The following TRPM1 variants were observed in gnomAD, a reference collection of about 807,000 sequenced individuals.
TRPM1 encodes the protein transient receptor potential cation channel subfamily M member 1.
A neutral mutation model predicts 149.4 loss-of-function variants in TRPM1; 113 were observed. The ratio of observed to expected loss-of-function variants is 0.76; its 90% confidence interval spans 0.65 to 0.88. The LOEUF (loss-of-function observed/expected upper bound fraction) is 0.88, where lower values mean the gene tolerates loss of function less well. Among genes scored for constraint, TRPM1 ranks in the 40% least tolerant of loss-of-function variants. The pLI is 0.00. For synonymous variants in TRPM1, 741 were observed against 759.5 expected (o/e 0.98, Z 0.40); for missense variants, 1,976 against 2,038.7 (o/e 0.97, Z 0.59).
In TRPM1 at chr15:31,153,893, G is replaced by A. The variant is rs539007396; in HGVS notation, c.54+7013C>T. Among the ~76,000 whole-genome samples the A allele has an allele frequency of 1.2e-4, 18 of 152,280 alleles. No individual in the cohort carries two copies. In the East Asian group the frequency reaches 1.5e-3, roughly 13 times the overall value. On this transcript the variant is annotated intron_variant, in intron 1 of 26. Coordinates refer to the TRPM1 transcript ENST00000542188. The stretch of plus-strand genomic sequence containing the variant: ...AGGTCCCTTGGACAAGGCTTCCACC[G>A]TTGAGATTCTTTCTCAGCTGGAGAG...
intron 2 of TRPM1, 25 bp from the exon 3 acceptor site, chr15:31,077,009 T>C (rs781665713): frequency 3.3e-6 from 5 of 1,517,054 alleles, no homozygotes; most frequent in East Asian, 4.5e-5. Flanking sequence ...GAAGTGGATA[T>C]TGGACCAATA....
At chr15:31,151,821 T>C (rs1409348078) in intron 1 of TRPM1, among the ~76,000 whole-genome samples, 1 of 152,252 alleles carries the variant, frequency 6.6e-6, no homozygotes, top group East Asian at 1.9e-4. Context: ...CAAATGACCC[T>C]GGTCCTGGCC....
intron 1 of TRPM1, among the ~76,000 whole-genome samples, chr15:31,157,919 C>T (rs527803944): frequency 2.0e-5 from 3 of 152,176 alleles, no homozygotes; most frequent in Admixed American, 6.5e-5. Flanking sequence ...TCAACAAACA[C>T]GGTGCAGAGG....
intron 1 of TRPM1, among the ~76,000 whole-genome samples, chr15:31,121,966 C>A (rs1171440015): frequency 6.6e-6 from 1 of 152,026 alleles, no homozygotes; most frequent in Admixed American, 6.6e-5. Flanking sequence ...GTATAAAGAA[C>A]AATACATATA....
rs2034857494 is a variant in TRPM1, at chr15:31,081,486, T to C, written c.-83-48A>G. 1.5e-5 allele frequency: 19 copies of C among 1,241,960 alleles called. No homozygotes were observed. In the South Asian group the frequency reaches 2.2e-4, roughly 14 times the overall value. 76.9% of individuals were successfully genotyped at this position (1,241,960 alleles called of 1,614,324 possible). A position where few individuals can be genotyped will look rare whatever the true frequency, so the allele number is the denominator to read the frequency against. ...TAAGAGTCACTTTGCCTGCAGCCTC[T>C]TTCTTGGGAAGCAAGATGAACAAAT... is the stretch of plus-strand genomic sequence containing the variant. On this transcript the variant is annotated intron_variant, in intron 1 of 27. Transcript: ENST00000256552.
At position 31,035,622 on chromosome 15, in the gene TRPM1, A is replaced by G. The variant is rs1393281524; in HGVS notation, c.2624T>C (p.Met875Thr). Reference sequence around the variant, plus strand: ...CTCCTGGAGGGACGGCCAGCCATCCATCCGCACCAGGATGACGTAGTTAAA... The same window carrying G: ...CTCCTGGAGGGACGGCCAGCCATCCGTCCGCACCAGGATGACGTAGTTAAA... ...LLFNYVILVRMDGWPSLQEWI... is the reference protein window; with the variant it reads ...LLFNYVILVRTDGWPSLQEWI... The change falls in exon 21 of 28, where the codon ATG becomes ACG. Residue 875 changes from methionine (M) to threonine (T), a missense_variant. Physicochemically the swap from Met to Thr is moderately conservative, Grantham distance 81 (BLOSUM62 -1). This residue lies in a region of TRPM1 where 1,332 missense variants were observed against 1,347.1 expected (regional missense o/e 0.99). Transcript: ENST00000256552. 6.2e-7 allele frequency: 1 copy of G among 1,614,230 alleles called. No homozygotes were observed. The highest frequency in any genetic ancestry group is 1.7e-5 in the Admixed American group (1 of 60,030).
intron 27 of TRPM1, among the ~76,000 whole-genome samples, chr15:31,013,498 T>G (rs148225240): frequency 6.6e-6 from 1 of 152,306 alleles, no homozygotes; most frequent in Admixed American, 6.5e-5. Context: ...CTAAAATAGT[T>G]GAGTTAAACT....
In TRPM1 at chr15:31,036,656, C is replaced by T. The variant is rs567396714; in HGVS notation, c.2572-982G>A. ...GGGGTGAGACCCAAGGCTGAGAGGC[C>T]TCGATGGCTTCCTGGCCCCATCTCC... On this transcript the variant is annotated intron_variant, in intron 20 of 27. Coordinates refer to ENST00000256552, the MANE Select transcript of TRPM1 (RefSeq NM_001252024.2). Among the ~76,000 whole-genome samples, 20 of 152,360 alleles carry T rather than the reference C, an allele frequency of 1.3e-4. 1 individual carries two copies. In the East Asian group the frequency reaches 3.9e-3, roughly 29 times the overall value.
intron 20 of TRPM1, among the ~76,000 whole-genome samples, chr15:31,036,968 C>T (rs930177350): frequency 1.3e-5 from 2 of 152,356 alleles, no homozygotes; most frequent in African/African-American, 4.8e-5. Context: ...ACCACAGCAC[C>T]GAGGCCTGCC....
chr15:31,156,381 G>T (rs547164635), intron 1 of TRPM1, among the ~76,000 whole-genome samples: 38 of 152,118 alleles, frequency 2.5e-4, no homozygotes, highest in Admixed American at 7.9e-4. Flanking sequence ...TTAGCTGAGA[G>T]TCTAGCACCT....
chr15:31,074,668 A>C (rs1200168437), intron 3 of TRPM1, among the ~76,000 whole-genome samples: 1 of 151,894 alleles, frequency 6.6e-6, no homozygotes, highest in Non-Finnish European at 1.5e-5. Flanking sequence ...CTACTTTTCT[A>C]TTCTCTTTTC....
intron 1 of TRPM1, among the ~76,000 whole-genome samples, chr15:31,109,224 T>C (rs775489294): frequency 4.0e-5 from 6 of 150,126 alleles, no homozygotes; most frequent in African/African-American, 1.2e-4. Flanking sequence ...ATCCCAGCTA[T>C]TATGGAGGCC....
At chr15:31,120,806 A>G (rs2035864482) in intron 1 of TRPM1, among the ~76,000 whole-genome samples, 1 of 152,196 alleles carries the variant, frequency 6.6e-6, no homozygotes, top group African/African-American at 2.4e-5. Flanking sequence ...AAATAACAGG[A>G]GTCAAAGAAA....
At position 31,042,115 on chromosome 15, in the gene TRPM1, TGCCCACACCATCA is replaced by T; in HGVS notation, c.1910_1922del (p.Leu637GlnfsTer3). 1.2e-6 allele frequency: 2 copies of T among 1,614,240 alleles called. No homozygotes were observed. The highest frequency in any genetic ancestry group is 1.7e-6 in the Non-Finnish European group (2 of 1,180,042). Reference sequence around the variant, plus strand: ...CCATTTTCTGGCGTTTCATCAGCACTGCCCACACCATCAGCTCGTGGAAGGGATACTGGAACCG... The same window carrying T: ...CCATTTTCTGGCGTTTCATCAGCACTGCTCGTGGAAGGGATACTGGAACCG... On this transcript the variant is annotated frameshift_variant, in exon 17 of 28. Transcript: ENST00000256552. LOFTEE classifies it high-confidence loss of function.
chr15:31,110,212 A>G (rs2035665852), intron 1 of TRPM1, among the ~76,000 whole-genome samples: 1 of 152,222 alleles, frequency 6.6e-6, no homozygotes, highest in Non-Finnish European at 1.5e-5. Context: ...AAGAAATAAA[A>G]GTGGTAGGTT....
chr15:31,050,791 G>A (rs973188952), intron 11 of TRPM1, among the ~76,000 whole-genome samples: 1 of 152,166 alleles, frequency 6.6e-6, no homozygotes, highest in African/African-American at 2.4e-5. Context: ...TACATACTCA[G>A]TCGTCGCAGG....
At chr15:31,136,835 C>T (rs1428847972) in intron 1 of TRPM1, among the ~76,000 whole-genome samples, 1 of 148,954 alleles carries the variant, frequency 6.7e-6, no homozygotes, top group African/African-American at 2.5e-5. Context: ...AAGTATTGCC[C>T]AATTCTAGAA....
chr15:31,093,260 C>CAAAAA (rs34790478), intron 1 of TRPM1, among the ~76,000 whole-genome samples: 1 of 63,204 alleles, frequency 1.6e-5, no homozygotes, highest in Non-Finnish European at 2.7e-5. Flanking sequence ...GACTTTGTCT[C>CAAAAA]AAAAAAAAAA....
chr15:31,002,144 T>G lies in TRPM1; in HGVS notation c.4556A>C (p.Glu1519Ala). The change falls in exon 28 of 28, where the codon GAG (glutamate) becomes GCG (alanine). Residue 1519 changes from glutamate (E) to alanine (A), a missense_variant. By Grantham distance (107) the Glu-to-Ala change is moderately radical. This residue lies in a region of TRPM1 where 572 missense variants were observed against 578.9 expected (regional missense o/e 0.99). Transcript: ENST00000256552. ...CATATCTGCAAACTGCTCTTTATGC[T>G]CAGCTTGCACTGCAGCTTCCGACAC... is the stretch of plus-strand genomic sequence containing the variant. ...YIVSEAAVQA[E>A]HKEQFADMQD... is the part of the protein sequence containing the mutation. 1.2e-6 allele frequency: 2 copies of G among 1,614,244 alleles called. No individual in the cohort carries two copies. Among genetic ancestry groups the G allele is most frequent in the Non-Finnish European group, 1.7e-6 (2 of 1,180,052 alleles).
Sources: allele counts gnomAD v4.1 joint callset (sites outside exome capture counted in the v4.1 genomes callset), GRCh38; gene constraint gnomAD v4.1.1; regional missense constraint gnomAD v4.1.1; transcripts MANE v1.5; gene names NCBI Gene and HGNC (gene_info 2026-07-23, HGNC 2026-07-21).